UBR2: variants seen among roughly 807,000 people sequenced by gnomAD.
UBR2 encodes ubiquitin protein ligase E3 component n-recognin 2.
Under a neutral mutation model 247.9 loss-of-function variants are expected in UBR2, and 92 were observed. The ratio of observed to expected loss-of-function variants is 0.37; its 90% CI spans 0.31 to 0.44. The LOEUF is 0.44. Ranked by LOEUF, UBR2 falls within the 20% of genes least tolerant of loss-of-function variation. The pLI, the probability that UBR2 is intolerant of heterozygous loss-of-function variation, is 1.00. For missense variants in UBR2, 1,613 were observed against 2,112.6 expected (o/e 0.76, Z 4.64); for synonymous variants, 672 against 693.5 (o/e 0.97, Z 0.49).
intron 4 of UBR2, among the ~76,000 whole-genome samples, chr6:42,603,271 A>C (rs1793501185): frequency 6.6e-6 from 1 of 152,222 alleles, no homozygotes; most frequent in African/African-American, 2.4e-5. Context: ...CAAAGCTATA[A>C]AATTGGTTTG....
chr6:42,674,110 C>T lies in UBR2; in HGVS notation c.4184-16C>T, dbSNP rs1405629567. ...GCATATGAAATATGCTAATGTATTTCTCTTTAAATCTGTAGCACTGGTGCC... is the reference window on the plus strand; with the variant it reads ...GCATATGAAATATGCTAATGTATTTTTCTTTAAATCTGTAGCACTGGTGCC... On this transcript the variant is annotated splice_polypyrimidine_tract_variant and intron_variant, in intron 37 of 46. Coordinates refer to ENST00000372901, the MANE Select transcript of UBR2 (RefSeq NM_001363705.2). 3 of 1,608,662 alleles carry T rather than the reference C, an allele frequency of 1.9e-6. No individual in the cohort carries two copies. In the East Asian group the frequency reaches 6.7e-5, roughly 36 times the overall value.
intron 4 of UBR2, 130 bp downstream of exon 4, chr6:42,594,434 A>G: frequency 1.5e-6 from 1 of 684,246 alleles, no homozygotes; most frequent in Non-Finnish European, 2.4e-6. Context: ...TTACTTTGAA[A>G]GTTCTTTGCA....
At chr6:42,610,524 T>A (rs569035035) in intron 7 of UBR2, among the ~76,000 whole-genome samples, 1 of 152,302 alleles carries the variant, frequency 6.6e-6, no homozygotes, top group African/African-American at 2.4e-5. Flanking sequence ...GAAGTTCTGA[T>A]ACATGCTACA....
chr6:42,619,412 C>CACAT (rs1226489376), intron 11 of UBR2: 6 of 28,426 alleles, frequency 2.1e-4, no homozygotes, highest in Admixed American at 6.4e-4. Context: ...TCGTTATGAA[C>CACAT]ATATATATAT....
chr6:42,615,984 G>A lies in UBR2; in HGVS notation c.1094-18G>A, dbSNP rs771863830. 16 of 1,546,340 alleles carry A rather than the reference G, an allele frequency of 1.0e-5. No individual in the cohort carries two copies. In the East Asian group the frequency reaches 1.6e-4, roughly 16 times the overall value. ...GTTGGGCGTGTCCTTATCTTATACC[G>A]TGATCTTTTTCTACAAGGTGCTAGG... On this transcript the variant is annotated intron_variant, in intron 9 of 46. Coordinates refer to ENST00000372901, the MANE Select transcript of UBR2 (RefSeq NM_001363705.2).
At chr6:42,640,432 G>A (rs1302734557) in intron 16 of UBR2, among the ~76,000 whole-genome samples, 162 bp downstream of exon 16, 1 of 107,570 alleles carries the variant, frequency 9.3e-6, no homozygotes, top group Non-Finnish European at 2.0e-5. Context: ...GTGTGTGTGT[G>A]TGTATAGATA....
chr6:42,635,770 C>T (rs185194398), intron 14 of UBR2, among the ~76,000 whole-genome samples: 22 of 152,268 alleles, frequency 1.4e-4, no homozygotes, highest in Admixed American at 1.4e-3. Context: ...ATTGTCTCTT[C>T]CCTAATGTAA....
At chr6:42,573,666 T>G in intron 1 of UBR2, 68 bp from the exon 2 acceptor site, 1 of 1,397,882 alleles carries the variant, frequency 7.2e-7, no homozygotes, top group Non-Finnish European at 9.4e-7. Context: ...TAAAAGAAAG[T>G]AGGGTGAATT....
chr6:42,647,241 C>A (rs1210309071), intron 21 of UBR2, among the ~76,000 whole-genome samples: 1 of 152,014 alleles, frequency 6.6e-6, no homozygotes, highest in Non-Finnish European at 1.5e-5. Flanking sequence ...ATAATTTAGC[C>A]TAAGCTTTAA....
chr6:42,657,945 C>A, intron 26 of UBR2, 79 bp from the exon 27 acceptor site: 1 of 1,058,474 alleles, frequency 9.4e-7, no homozygotes, highest in Non-Finnish European at 1.4e-6. Context: ...TAAGCAACTG[C>A]ATTTATGTTC....
intron 23 of UBR2, 107 bp downstream of exon 23, chr6:42,650,493 G>A (rs1797050321): frequency 3.4e-6 from 3 of 879,714 alleles, no homozygotes; most frequent in East Asian, 5.5e-5. Flanking sequence ...TATTCACAAT[G>A]CCATTATAGA....
chr6:42,648,191 T>G, intron 22 of UBR2, 21 bp downstream of exon 22: 1 of 1,604,736 alleles, frequency 6.2e-7, no homozygotes, highest in African/African-American at 1.3e-5. Flanking sequence ...TTCCTATTAT[T>G]TCACATTCTT....
chr6:42,614,282 A>G (rs1281002072), intron 8 of UBR2, among the ~76,000 whole-genome samples: 1 of 130,822 alleles, frequency 7.6e-6, no homozygotes, highest in Non-Finnish European at 1.6e-5. Context: ...GTACATATAT[A>G]TGTATGCATG....
chr6:42,667,365 T>C (rs1419290803), intron 34 of UBR2, among the ~76,000 whole-genome samples: 2 of 151,310 alleles, frequency 1.3e-5, no homozygotes, highest in African/African-American at 4.8e-5. Context: ...AGAAAAAACT[T>C]CAATCTTCTG....
chr6:42,609,601 T>C (rs1412862152), intron 7 of UBR2, among the ~76,000 whole-genome samples: 2 of 151,910 alleles, frequency 1.3e-5, no homozygotes, highest in African/African-American at 4.8e-5. Context: ...TTAAAAAGTG[T>C]TGGCCAAGCA....
chr6:42,620,168 C>T lies in UBR2; in HGVS notation c.1281+2661C>T, dbSNP rs144048795. ...AAGTGATAGTTGCTCCACATCCTCA[C>T]CAACACTTGGTTTTACCAGTCTTTT... is the stretch of plus-strand genomic sequence containing the variant. On this transcript the variant is annotated intron_variant, in intron 11 of 46. Coordinates refer to ENST00000372901, the MANE Select transcript of UBR2 (RefSeq NM_001363705.2). The T allele has an allele frequency of 9.9e-4, 338 of 342,888 alleles. 1 individual carries two copies. Among genetic ancestry groups the T allele is most frequent in the African/African-American group, 7.2e-3 (325 of 45,020 alleles). The allele number at this position is 342,888 out of a possible 1,614,324, so 21.2% of individuals were successfully genotyped here.
intron 11 of UBR2, among the ~76,000 whole-genome samples, chr6:42,631,111 A>G (rs1795683173): frequency 6.6e-6 from 1 of 152,108 alleles, no homozygotes. Flanking sequence ...GCCTTGTTCT[A>G]CGTTTTGATG....
At chr6:42,619,454 T>TATGTATATATA (rs774613776) in intron 11 of UBR2, 1 of 30,584 alleles carries the variant, frequency 3.3e-5, no homozygotes. Flanking sequence ...TATATATATA[T>TATGTATATATA]TTTTTTTTTT....
intron 1 of UBR2, among the ~76,000 whole-genome samples, chr6:42,570,959 A>G (rs1180165019): frequency 6.6e-6 from 1 of 151,570 alleles, no homozygotes; most frequent in African/African-American, 2.4e-5. Flanking sequence ...TGCTGGGATT[A>G]CAGGCATGAG....
Sources: allele counts gnomAD v4.1 joint callset (sites outside exome capture counted in the v4.1 genomes callset), GRCh38; gene constraint gnomAD v4.1.1; transcripts MANE v1.5; gene names NCBI Gene and HGNC (gene_info 2026-07-23, HGNC 2026-07-21).